Variants in SLC4A5 observed in about 807,000 individuals in gnomAD.
SLC4A5 encodes the protein solute carrier family 4 member 5.
Under a neutral mutation model 120.4 loss-of-function variants are expected in SLC4A5, and 96 were observed. That is an observed-to-expected ratio of 0.80 (90% CI 0.68 to 0.94). The LOEUF (loss-of-function observed/expected upper bound fraction) is 0.94, where lower values mean the gene tolerates loss of function less well. Among genes scored for constraint, SLC4A5 ranks in the 40% least tolerant of loss-of-function variants. The pLI is 0.00. For synonymous variants in SLC4A5, 550 were observed against 571.1 expected, an observed-to-expected ratio of 0.96 and a Z score of 0.53; for missense variants, 1,259 against 1,459.5, an observed-to-expected ratio of 0.86 and a Z score of 2.24.
At chr2:74,330,888 T>A (rs534698418) in intron 4 of SLC4A5, among the ~76,000 whole-genome samples, 233 of 12,570 alleles carry the variant, frequency 0.019, 5 homozygotes, top group African/African-American at 0.07. Context: ...GAGGTCTAGA[T>A]GTGGGTGGTG....
chr2:74,307,764 C>A (rs1672690673), intron 6 of SLC4A5: 1 of 629,614 alleles, frequency 1.6e-6, no homozygotes, highest in Non-Finnish European at 2.8e-6. Flanking sequence ...TTTGCATGAT[C>A]TCTTTCTCGT....
chr2:74,242,389 G>A lies in SLC4A5; in HGVS notation c.2060-337C>T, dbSNP rs552856555. On this transcript the variant is annotated intron_variant, in intron 19 of 30. Coordinates refer to ENST00000394019, the Ensembl canonical transcript of SLC4A5. The stretch of plus-strand genomic sequence containing the variant: ...GCCTTGTGAATCTTCACCGGCCACT[G>A]GGCTTTTAGACTTAAAAATGTTCAA... Among the ~76,000 whole-genome samples, 34 of 152,332 alleles carry A rather than the reference G, an allele frequency of 2.2e-4. 1 individual carries two copies. Among genetic ancestry groups the A allele is most frequent in the Admixed American group, 3.9e-4 (6 of 15,306 alleles).
intron 6 of SLC4A5, among the ~76,000 whole-genome samples, 185 bp from the exon 7 acceptor site, chr2:74,304,865 T>C (rs1011515020): frequency 6.6e-6 from 1 of 152,202 alleles, no homozygotes; most frequent in Non-Finnish European, 1.5e-5. Context: ...AAATCAACAG[T>C]TGCTGGAGGG....
intron 7 of SLC4A5, among the ~76,000 whole-genome samples, chr2:74,298,118 C>T (rs1053723903): frequency 6.6e-6 from 1 of 152,218 alleles, no homozygotes; most frequent in Admixed American, 6.5e-5. Flanking sequence ...TAATATCTCC[C>T]TTTTACTGTT....
chr2:74,223,050 G>T (rs988894280), intron 28 of SLC4A5, 98 bp from the exon 29 acceptor site: 1 of 750,982 alleles, frequency 1.3e-6, no homozygotes, highest in Non-Finnish European at 2.1e-6. Context: ...TACTGCCCAG[G>T]CTGGAGTGCA....
intron 19 of SLC4A5, 52 bp from the exon 20 acceptor site, chr2:74,242,104 G>A: frequency 1.3e-6 from 2 of 1,531,142 alleles, no homozygotes; most frequent in Non-Finnish European, 1.8e-6. Context: ...GGGGCTGGGA[G>A]CTGCATTCCC....
intron 12 of SLC4A5, among the ~76,000 whole-genome samples, chr2:74,257,645 T>C (rs1362390600): frequency 6.6e-6 from 1 of 152,138 alleles, no homozygotes; most frequent in Non-Finnish European, 1.5e-5. Flanking sequence ...AGTGGCACCA[T>C]CTTGGCTCAC....
chr2:74,254,762 T>C, intron 13 of SLC4A5, 56 bp from the exon 14 acceptor site: 1 of 1,313,200 alleles, frequency 7.6e-7, no homozygotes, highest in Admixed American at 1.7e-5. Context: ...AGCATGAAAG[T>C]GAGAAGGAAA....
chr2:74,249,874 T>C (rs1298850171), intron 17 of SLC4A5, among the ~76,000 whole-genome samples: 1 of 152,174 alleles, frequency 6.6e-6, no homozygotes, highest in East Asian at 1.9e-4. Flanking sequence ...CCTAGGAGAT[T>C]GGCAGGTGTC....
chr2:74,247,060 A>C, exon 19 of SLC4A5: 2 of 1,614,148 alleles, frequency 1.2e-6, no homozygotes, highest in Non-Finnish European at 1.7e-6. Context: ...ACACACTCGC[A>C]CTTGTAGGTA....
At chr2:74,256,645 GC>G (rs1413664827) in intron 12 of SLC4A5, among the ~76,000 whole-genome samples, 1 of 152,296 alleles carries the variant, frequency 6.6e-6, no homozygotes, top group Admixed American at 6.5e-5. Flanking sequence ...CTGGAGACAA[GC>G]CCTCCACCCA....
rs538018927 is a variant in SLC4A5, at chr2:74,283,966, T to C, written c.401+1807A>G. Among the ~76,000 whole-genome samples, 6 of 151,928 alleles carry C rather than the reference T, an allele frequency of 3.9e-5. No homozygotes were observed. In the East Asian group the frequency reaches 1.2e-3, roughly 29 times the overall value. On this transcript the variant is annotated intron_variant, in intron 8 of 30. Coordinates refer to ENST00000394019, the Ensembl canonical transcript of SLC4A5. ...TGATCTCCCACCTCATCTTTTCAAG[T>C]AGCTGAGACTACAGGTGTGTGCCAC...
chr2:74,231,667 T>C (rs1670091221), intron 24 of SLC4A5, among the ~76,000 whole-genome samples: 1 of 152,172 alleles, frequency 6.6e-6, no homozygotes, highest in Non-Finnish European at 1.5e-5. Flanking sequence ...ATGCAGATAA[T>C]AATGGCACCT....
At chr2:74,268,424 T>A (rs948270071) in intron 8 of SLC4A5, among the ~76,000 whole-genome samples, 1 of 152,240 alleles carries the variant, frequency 6.6e-6, no homozygotes, top group African/African-American at 2.4e-5. Context: ...CTAATGGACA[T>A]CCTTTCATCT....
At chr2:74,307,876 A>T in intron 6 of SLC4A5, 1 of 470,114 alleles carries the variant, frequency 2.1e-6, no homozygotes. Context: ...ACAGAGATCC[A>T]GGAACCAGAG....
intron 7 of SLC4A5, among the ~76,000 whole-genome samples, chr2:74,301,880 G>C (rs749358872): frequency 6.6e-6 from 1 of 152,160 alleles, no homozygotes; most frequent in Non-Finnish European, 1.5e-5. Context: ...GGAGTGTCTG[G>C]AACTGGGGTC....
At position 74,231,401 on chromosome 2, in the gene SLC4A5, G is replaced by T. The variant is rs1053717246; in HGVS notation, c.2775-93C>A. The T allele has an allele frequency of 1.0e-5, 12 of 1,199,560 alleles. No individual in the cohort carries two copies. In the East Asian group the frequency reaches 2.8e-4, roughly 28 times the overall value. The allele number at this position is 1,199,560 out of a possible 1,614,324, so 74.3% of individuals were successfully genotyped here. A position where few individuals can be genotyped will look rare whatever the true frequency, so the allele number is the denominator to read the frequency against. ...CCCTCTGTGGGCACCTGAAGCTTGTGTCCAAGGCCATGGCCTTGAGGGCTT... is the reference window on the plus strand; with the variant it reads ...CCCTCTGTGGGCACCTGAAGCTTGTTTCCAAGGCCATGGCCTTGAGGGCTT... On this transcript the variant is annotated intron_variant, in intron 24 of 30. Transcript: ENST00000394019.
At chr2:74,316,292 T>C (rs1672961709) in intron 5 of SLC4A5, among the ~76,000 whole-genome samples, 1 of 140,864 alleles carries the variant, frequency 7.1e-6, no homozygotes, top group Non-Finnish European at 1.5e-5. Context: ...TGATAATTAT[T>C]GAAGCTAGGT....
intron 6 of SLC4A5, 138 bp from the exon 7 acceptor site, chr2:74,304,818 C>G: frequency 1.2e-6 from 1 of 821,390 alleles, no homozygotes; most frequent in Middle Eastern, 3.5e-4. Flanking sequence ...GGTCATTGCC[C>G]TGAGGCTTGG....
Sources: allele counts gnomAD v4.1 joint callset (sites outside exome capture counted in the v4.1 genomes callset), GRCh38; gene constraint gnomAD v4.1.1; transcripts MANE v1.5; gene names NCBI Gene and HGNC (gene_info 2026-07-23, HGNC 2026-07-21).